GRM7: variants seen among roughly 807,000 people sequenced by gnomAD.
GRM7 encodes glutamate metabotropic receptor 7, also known as metabotropic glutamate receptor 7.
A neutral mutation model predicts 84.5 loss-of-function variants in GRM7; 35 were observed. The observed-to-expected ratio is 0.41, with a 90% CI of 0.32 to 0.55. GRM7 has a LOEUF of 0.55. Ranked by LOEUF, GRM7 falls within the 20% of genes least tolerant of loss-of-function variation. The pLI is 0.19. For synonymous variants in GRM7, 487 were observed against 455.1 expected (o/e 1.07, Z -0.89); for missense variants, 1,003 against 1,194.6 (o/e 0.84, Z 2.36).
intron 1 of GRM7, among the ~76,000 whole-genome samples, chr3:7,031,813 C>T (rs144789430): frequency 2.6e-4 from 40 of 151,960 alleles, no homozygotes; most frequent in African/African-American, 7.5e-4. Flanking sequence ...ACTTTTATCC[C>T]CACTGTGTAG....
At position 7,395,660 on chromosome 3, in the gene GRM7, C is replaced by T. The variant is rs373221924; in HGVS notation, c.1034-19363C>T. On this transcript the variant is annotated intron_variant, in intron 4 of 9. Transcript: ENST00000357716. ...GATGGTTTTATAAATGGGAATTCCC[C>T]TCACAAGCTCTCTTGCCTGCTGCCA... Among the ~76,000 whole-genome samples the T allele has an allele frequency of 5.3e-5, 8 of 152,230 alleles. No individual in the cohort carries two copies. In the East Asian group the frequency reaches 1.2e-3, roughly 22 times the overall value.
intron 1 of GRM7, among the ~76,000 whole-genome samples, chr3:7,042,379 A>T (rs1180727956): frequency 6.6e-6 from 1 of 152,172 alleles, no homozygotes; most frequent in Non-Finnish European, 1.5e-5. Flanking sequence ...TTGTTGATTG[A>T]TGTTTAATGA....
chr3:7,243,528 A>G (rs1297242239), intron 2 of GRM7, among the ~76,000 whole-genome samples: 4 of 152,124 alleles, frequency 2.6e-5, no homozygotes, highest in Admixed American at 6.6e-5. Flanking sequence ...TAGAGTTTCT[A>G]TAAAAACTCT....
At chr3:7,660,320 T>C (rs1287610344) in intron 8 of GRM7, among the ~76,000 whole-genome samples, 1 of 152,184 alleles carries the variant, frequency 6.6e-6, no homozygotes, top group Non-Finnish European at 1.5e-5. Flanking sequence ...TGAAGCTTTC[T>C]TGGCAAAAAC....
In GRM7 at chr3:7,151,920, T is replaced by G. The variant is rs1415562030; in HGVS notation, c.736+5252T>G. On this transcript the variant is annotated intron_variant, in intron 2 of 9. Coordinates refer to ENST00000357716, the MANE Select transcript of GRM7 (RefSeq NM_000844.4). The surrounding 1 kb of genome is among the most constrained non-coding windows in gnomAD (Gnocchi z 4.5). ...ACCATCTATATTGAATTCTGTTTTT[T>G]TTTTCTTTCTGTCTATGTCATGGTG... Among the ~76,000 whole-genome samples the G allele has an allele frequency of 6.6e-6, 1 of 152,084 alleles. No homozygotes were observed. The highest frequency in any genetic ancestry group is 1.5e-5 in the Non-Finnish European group (1 of 68,024).
intron 5 of GRM7, among the ~76,000 whole-genome samples, chr3:7,448,532 T>C (rs1353324973): frequency 2.6e-5 from 4 of 151,870 alleles, no homozygotes; most frequent in African/African-American, 9.7e-5. Flanking sequence ...AGAGGAGGAG[T>C]AGGGATGGTA....
chr3:7,298,469 A>G (rs1017920217), intron 2 of GRM7: 9 of 504,368 alleles, frequency 1.8e-5, no homozygotes, highest in East Asian at 3.3e-5. Flanking sequence ...TACGTGTACT[A>G]TAAAGAGGAT....
chr3:7,396,935 T>C (rs559905466), intron 4 of GRM7, among the ~76,000 whole-genome samples: 1 of 152,204 alleles, frequency 6.6e-6, no homozygotes, highest in Admixed American at 6.5e-5. Context: ...TATGGGTTTT[T>C]AAGGAAGAAA....
chr3:7,699,436 A>G (rs372086494), intron 9 of GRM7, among the ~76,000 whole-genome samples: 3 of 152,206 alleles, frequency 2.0e-5, no homozygotes, highest in Admixed American at 1.3e-4. Context: ...TCTTATAATC[A>G]GGAAAGGAAA....
rs187488039 is a variant in GRM7 at position 7,613,240 on chromosome 3, A to C, written c.2451+33883A>C. The stretch of plus-strand genomic sequence containing the variant: ...TTAGATAGTAAACATATAAATAGTG[A>C]AAGTGTTTGGTTTATTTTATCAATA... On this transcript the variant is annotated intron_variant, in intron 8 of 9. Coordinates refer to ENST00000357716, the MANE Select transcript of GRM7 (RefSeq NM_000844.4). Among the ~76,000 whole-genome samples, 36 of 152,306 alleles carry C rather than the reference A, an allele frequency of 2.4e-4. No homozygotes were observed. The East Asian group carries it at 6.8e-3, about 29-fold the overall frequency.
chr3:7,462,528 A>G (rs1468155366), intron 7 of GRM7, among the ~76,000 whole-genome samples: 2 of 152,252 alleles, frequency 1.3e-5, no homozygotes. Context: ...TCCTTTGTAA[A>G]GCAACAAATT....
At chr3:7,003,840 G>C (rs1324230371) in intron 1 of GRM7, among the ~76,000 whole-genome samples, 3 of 152,130 alleles carry the variant, frequency 2.0e-5, no homozygotes, top group Non-Finnish European at 2.9e-5. Context: ...GGAATAATTA[G>C]CAGGTTAGCT....
chr3:7,381,269 C>A lies in GRM7; in HGVS notation c.1034-33754C>A, dbSNP rs181686563. Among the ~76,000 whole-genome samples the A allele has an allele frequency of 1.2e-3, 179 of 152,104 alleles. 3 individuals are homozygous for A. The East Asian group carries it at 0.014, about 12-fold the overall frequency. ...GGCTCTGAAGGCATGCAAATCTGGA[C>A]AAAAATCCAGGCTTTTCTACTCAAA... is the stretch of plus-strand genomic sequence containing the variant. On this transcript the variant is annotated intron_variant, in intron 4 of 9. Transcript: ENST00000357716.
chr3:7,480,946 A>C (rs1699104403), intron 7 of GRM7, among the ~76,000 whole-genome samples: 1 of 152,266 alleles, frequency 6.6e-6, no homozygotes, highest in African/African-American at 2.4e-5. Flanking sequence ...GAGATATTTA[A>C]AAATGGGAGT....
At chr3:7,581,610 A>G (rs1695254661) in intron 8 of GRM7, among the ~76,000 whole-genome samples, 2 of 152,148 alleles carry the variant, frequency 1.3e-5, no homozygotes, top group South Asian at 4.1e-4. Flanking sequence ...ATCAGAAGGG[A>G]TTTTTGCCAA....
At chr3:7,098,382 A>T (rs1698929854) in intron 1 of GRM7, among the ~76,000 whole-genome samples, 1 of 152,152 alleles carries the variant, frequency 6.6e-6, no homozygotes, top group East Asian at 1.9e-4. Context: ...CTACAATTAT[A>T]TGACACAATT....
chr3:7,466,223 G>T (rs903779783), intron 7 of GRM7, among the ~76,000 whole-genome samples: 1 of 152,086 alleles, frequency 6.6e-6, no homozygotes, highest in Admixed American at 6.5e-5. Flanking sequence ...ATAAACAAGA[G>T]GCAGATCCAT....
chr3:7,250,628 A>G (rs1032001069), intron 2 of GRM7, among the ~76,000 whole-genome samples: 41 of 144,406 alleles, frequency 2.8e-4, no homozygotes, highest in African/African-American at 9.8e-4. Context: ...GGTTCGAGCA[A>G]TTTTCCTTCC....
intron 1 of GRM7, among the ~76,000 whole-genome samples, chr3:6,990,163 T>C: frequency 6.6e-6 from 1 of 152,220 alleles, no homozygotes; most frequent in Non-Finnish European, 1.5e-5. Flanking sequence ...TTCCCCCTTT[T>C]ATCTTGAATT....
Sources: gnomAD v4.1 joint callset for allele counts (sites outside exome capture counted in the v4.1 genomes callset) on GRCh38, gnomAD v4.1.1 for gene constraint, Gnocchi (gnomAD v3.1) non-coding constraint, MANE v1.5 for transcripts, NCBI Gene and HGNC (gene_info 2026-07-23, HGNC 2026-07-21) for gene names.